The following SCARB2 variants were observed in gnomAD, a reference collection of about 807,000 sequenced individuals.
The protein encoded by SCARB2 is lysosome membrane protein 2.
In SCARB2, 29 loss-of-function variants were observed where a neutral mutation model predicts 58.6. The ratio of observed to expected loss-of-function variants is 0.49; its 90% CI spans 0.37 to 0.67. SCARB2 has a LOEUF of 0.67. SCARB2 is among the 30% of genes least tolerant of loss of function. The probability of loss-of-function intolerance (pLI) is 0.00; values close to 1 mark genes in which losing one functional copy is unlikely to be tolerated. For missense variants in SCARB2, 488 were observed against 578.5 expected, an observed-to-expected ratio of 0.84 and a Z score of 1.60; for synonymous variants, 195 against 210.1, an observed-to-expected ratio of 0.93 and a Z score of 0.62.
intron 9 of SCARB2, among the ~76,000 whole-genome samples, chr4:76,167,170 T>C (rs530772595): frequency 2.0e-5 from 3 of 152,302 alleles, no homozygotes; most frequent in South Asian, 4.1e-4. Flanking sequence ...CTCAAGAGAT[T>C]ATAACTATAC....
intron 1 of SCARB2, among the ~76,000 whole-genome samples, chr4:76,202,675 C>T (rs1007748185): frequency 3.9e-5 from 6 of 151,960 alleles, no homozygotes; most frequent in African/African-American, 1.5e-4. Context: ...ATTTAAATCC[C>T]CTGTAATCCA....
intron 1 of SCARB2, among the ~76,000 whole-genome samples, chr4:76,225,079 A>G (rs1458228591): frequency 6.6e-6 from 1 of 152,124 alleles, no homozygotes; most frequent in Non-Finnish European, 1.5e-5. Context: ...TAGAATAATG[A>G]TCTCCAACTC....
At chr4:76,226,310 T>G (rs897155784) in intron 1 of SCARB2, among the ~76,000 whole-genome samples, 2 of 152,144 alleles carry the variant, frequency 1.3e-5, no homozygotes, top group African/African-American at 4.8e-5. Context: ...AGAAAGGCAG[T>G]GGTGCATCAA....
rs1578714250 is a variant in SCARB2, at chr4:76,166,452, T to A, written c.1188-151A>T. 14 of 785,518 alleles carry A rather than the reference T, an allele frequency of 1.8e-5. No individual in the cohort carries two copies. The East Asian group carries it at 3.7e-4, about 21-fold the overall frequency. 48.7% of individuals were successfully genotyped at this position (785,518 alleles called of 1,614,324 possible). ...TTTCTTAGTTATCTTTGCAAACATG[T>A]ACCCCAAAAGTTAGATTCCAGTCTG... On this transcript the variant is annotated intron_variant, in intron 9 of 11. Coordinates refer to ENST00000264896, the MANE Select transcript of SCARB2 (RefSeq NM_005506.4).
chr4:76,217,435 A>C (rs1733227378), upstream of SCARB2: 9 of 399,716 alleles, frequency 2.3e-5, no homozygotes. Context: ...GAGATTGTTC[A>C]TGAATAGATT....
intron 1 of SCARB2, chr4:76,213,207 A>T (rs1733097639): frequency 1.7e-6 from 1 of 575,444 alleles, no homozygotes; most frequent in Non-Finnish European, 3.2e-6. Context: ...GTCAGGATCC[A>T]TAGCCTTACT....
intron 1 of SCARB2, among the ~76,000 whole-genome samples, chr4:76,197,143 G>A (rs1040424108): frequency 1.3e-5 from 2 of 152,186 alleles, no homozygotes; most frequent in Non-Finnish European, 2.9e-5. Context: ...CCAGAACTAT[G>A]AGACAAATTT....
chr4:76,217,730 G>A, upstream of SCARB2: 1 of 525,302 alleles, frequency 1.9e-6, no homozygotes, highest in East Asian at 3.1e-5. Flanking sequence ...CGGAAAATGA[G>A]GAGACTGATG....
chr4:76,165,670 A>G (rs752115077), intron 10 of SCARB2: 2 of 152,734 alleles, frequency 1.3e-5, no homozygotes, highest in South Asian at 2.1e-4. Context: ...CTGTTATTCA[A>G]TATTCTACAA....
intron 4 of SCARB2, 64 bp from the exon 5 acceptor site, chr4:76,176,592 C>A: frequency 8.8e-7 from 1 of 1,138,528 alleles, no homozygotes. Context: ...CTTGGCTAGA[C>A]TATGGTGCCC....
upstream of SCARB2, chr4:76,217,561 C>G: frequency 2.0e-6 from 1 of 508,466 alleles, no homozygotes; most frequent in Non-Finnish European, 3.6e-6. Context: ...CAGGTGTGCT[C>G]CCTTTCTGCC....
intron 1 of SCARB2, among the ~76,000 whole-genome samples, chr4:76,223,656 G>C (rs1261871927): frequency 1.6e-4 from 24 of 152,164 alleles, no homozygotes; most frequent in Admixed American, 1.6e-3. Flanking sequence ...ATTTGCATTT[G>C]AACAAGAACA....
At chr4:76,218,210 G>A (rs541963191), upstream of SCARB2, among the ~76,000 whole-genome samples, 1 of 152,254 alleles carries the variant, frequency 6.6e-6, no homozygotes, top group South Asian at 2.1e-4. Flanking sequence ...TCTTCTTATT[G>A]AAGGTGATCT....
chr4:76,213,220 T>C (rs1733098369), intron 1 of SCARB2: 2 of 600,326 alleles, frequency 3.3e-6, no homozygotes, highest in East Asian at 2.9e-5. Context: ...GCCTTACTTA[T>C]CACTGTAAAG....
intron 7 of SCARB2, chr4:76,173,191 G>A (rs1202707848): frequency 6.6e-6 from 1 of 152,198 alleles, no homozygotes; most frequent in Non-Finnish European, 1.5e-5. Context: ...TCATGGAAAG[G>A]AGCAGAGTAG....
At chr4:76,163,714 C>T (rs73826378) in intron 10 of SCARB2, 3,843 of 370,282 alleles carry the variant, frequency 0.01, 146 homozygotes, top group African/African-American at 0.075. Flanking sequence ...TCACTTCCTT[C>T]CAAAAGTTTT....
At chr4:76,179,068 T>TTAA (rs1318962143) in intron 4 of SCARB2, 1 of 167,742 alleles carries the variant, frequency 6.0e-6, no homozygotes, top group Non-Finnish European at 1.3e-5. Flanking sequence ...TTTTTTGGCT[T>TTAA]TTTTAGACAG....
rs377436809 is a variant in SCARB2, at chr4:76,178,254, T to C, written c.612+1263A>G. Reference sequence around the variant, plus strand: ...GCATGTAGCTATGATTTCTCAGAAATAGCACAGGTAGTAGCTCCTCTATAA... The same window carrying C: ...GCATGTAGCTATGATTTCTCAGAAACAGCACAGGTAGTAGCTCCTCTATAA... On this transcript the variant is annotated intron_variant, in intron 4 of 11. Transcript: ENST00000264896. Among the ~76,000 whole-genome samples the C allele has an allele frequency of 7.9e-5, 12 of 152,300 alleles. No individual in the cohort carries two copies. In the East Asian group the frequency reaches 9.7e-4, roughly 12 times the overall value.
intron 1 of SCARB2, among the ~76,000 whole-genome samples, chr4:76,220,484 G>A (rs762074783): frequency 1.3e-5 from 2 of 152,060 alleles, no homozygotes; most frequent in Non-Finnish European, 2.9e-5. Context: ...AAAATTAGAT[G>A]GGCACGGTGG....
Sources: gnomAD v4.1 joint callset for allele counts (sites outside exome capture counted in the v4.1 genomes callset) on GRCh38, gnomAD v4.1.1 for gene constraint, MANE v1.5 for transcripts, NCBI Gene and HGNC (gene_info 2026-07-23, HGNC 2026-07-21) for gene names.